The following SGCZ variants were observed in gnomAD, a reference collection of about 807,000 sequenced individuals.
The protein encoded by SGCZ is zeta-sarcoglycan.
Under a neutral mutation model 41.3 loss-of-function variants are expected in SGCZ, and 40 were observed. The observed-to-expected ratio is 0.97, with a 90% CI of 0.75 to 1.26. The LOEUF (loss-of-function observed/expected upper bound fraction) is 1.26, where lower values mean the gene tolerates loss of function less well. Ranked by LOEUF, SGCZ falls within the 50% of genes most tolerant of loss-of-function variation. SGCZ has a pLI of 0.00. For synonymous variants in SGCZ, 206 were observed against 137.5 expected, an observed-to-expected ratio of 1.50 and a Z score of -3.49; for missense variants, 552 against 369.8, an observed-to-expected ratio of 1.49 and a Z score of -4.04.
At position 15,061,138 on chromosome 8, in the gene SGCZ, C is replaced by A. The variant is rs370004652; in HGVS notation, c.39+176447G>T. ...CCAGCTACTATAATCTGAATGTATC[C>A]CCCCAAACTCATGTGTTGAAATTAA... On this transcript the variant is annotated intron_variant, in intron 1 of 7. Coordinates refer to ENST00000382080, the MANE Select transcript of SGCZ (RefSeq NM_139167.4). Among the ~76,000 whole-genome samples, 10 of 143,152 alleles carry A rather than the reference C, an allele frequency of 7.0e-5. No homozygotes were observed. In the South Asian group the frequency reaches 1.7e-3, roughly 25 times the overall value. The allele number at this position is 143,152 out of a possible 152,430, so 93.9% of individuals were successfully genotyped here.
intron 4 of SGCZ, among the ~76,000 whole-genome samples, chr8:14,231,160 AGTGT>A (rs71209027): frequency 1.1e-4 from 12 of 112,086 alleles, no homozygotes; most frequent in South Asian, 7.3e-4. Flanking sequence ...TCTTTGGGCA[AGTGT>A]GTGTGTGTGT....
In SGCZ at chr8:15,159,392, A is replaced by G. The variant is rs1182145618; in HGVS notation, c.39+78193T>C. Among the ~76,000 whole-genome samples, 6 of 152,194 alleles carry G rather than the reference A, an allele frequency of 3.9e-5. No homozygotes were observed. The East Asian group carries it at 9.7e-4, about 25-fold the overall frequency. On this transcript the variant is annotated intron_variant, in intron 1 of 7. Coordinates refer to ENST00000382080, the MANE Select transcript of SGCZ (RefSeq NM_139167.4). ...TCCAGAAAATTAATTGAACCCAAAG[A>G]GTGGGTCATGGGAACTCTGACTTGA...
chr8:14,400,819 G>T (rs1324472386), intron 2 of SGCZ, among the ~76,000 whole-genome samples: 2 of 152,060 alleles, frequency 1.3e-5, no homozygotes, highest in Non-Finnish European at 2.9e-5. Flanking sequence ...TGAATCCATA[G>T]AGTACTCAAC....
At chr8:15,204,120 T>G (rs981117878) in intron 1 of SGCZ, among the ~76,000 whole-genome samples, 7 of 152,174 alleles carry the variant, frequency 4.6e-5, no homozygotes, top group Non-Finnish European at 8.8e-5. Context: ...GCACTTCTGT[T>G]ACACATCTTA....
intron 3 of SGCZ, among the ~76,000 whole-genome samples, chr8:14,265,385 T>C (rs1304697134): frequency 2.0e-5 from 3 of 152,196 alleles, no homozygotes; most frequent in Admixed American, 2.0e-4. Flanking sequence ...TTACAAAATA[T>C]AGAAATTCTT....
intron 1 of SGCZ, among the ~76,000 whole-genome samples, chr8:14,981,438 C>T (rs897737279): frequency 1.1e-4 from 17 of 152,268 alleles, no homozygotes; most frequent in East Asian, 9.7e-4. Flanking sequence ...CCTACTGAAA[C>T]GAACTGAGTT....
Position 14,590,262 on chromosome 8 carries a change from G to A in SGCZ, c.40-35336C>T, listed in dbSNP as rs546837390. 1.5e-3 allele frequency among the ~76,000 whole-genome samples: 226 copies of A among 152,108 alleles called. 1 individual carries two copies. The highest frequency in any genetic ancestry group is 2.8e-3 in the Non-Finnish European group (188 of 67,922). ...AAAAAAGCAAAAATAATATGGTGTGGTAAGTCATAAATTCCTTAGCACATA... is the reference window on the plus strand; with the variant it reads ...AAAAAAGCAAAAATAATATGGTGTGATAAGTCATAAATTCCTTAGCACATA... On this transcript the variant is annotated intron_variant, in intron 1 of 7. Transcript: ENST00000382080.
intron 2 of SGCZ, among the ~76,000 whole-genome samples, chr8:14,512,015 T>A (rs544042900): frequency 2.0e-5 from 3 of 152,184 alleles, no homozygotes; most frequent in Non-Finnish European, 4.4e-5. Flanking sequence ...GTTTTAAACA[T>A]AGGGCAACAT....
At chr8:14,982,011 G>T (rs965825679) in intron 1 of SGCZ, among the ~76,000 whole-genome samples, 2 of 151,862 alleles carry the variant, frequency 1.3e-5, no homozygotes, top group Non-Finnish European at 2.9e-5. Context: ...TTAGCCAGGC[G>T]TGGTGGCTCA....
intron 2 of SGCZ, among the ~76,000 whole-genome samples, chr8:14,452,556 T>G (rs1800626091): frequency 6.6e-6 from 1 of 152,168 alleles, no homozygotes; most frequent in Non-Finnish European, 1.5e-5. Context: ...CATATACTTT[T>G]TAAGTAGTTT....
chr8:14,601,958 A>G (rs34372842), intron 1 of SGCZ, among the ~76,000 whole-genome samples: 30,188 of 151,890 alleles, frequency 0.2, 3,815 homozygotes, highest in Non-Finnish European at 0.29. Context: ...GTCTCTACTG[A>G]AAACACAAAA....
intron 2 of SGCZ, among the ~76,000 whole-genome samples, chr8:14,540,219 AATT>A (rs1803418486): frequency 1.8e-5 from 1 of 55,370 alleles, no homozygotes; most frequent in African/African-American, 9.3e-5. Flanking sequence ...TTCTCTGCTT[AATT>A]TTTTTTTTTT....
At chr8:14,219,538 G>A (rs1806117362) in intron 4 of SGCZ, among the ~76,000 whole-genome samples, 1 of 152,164 alleles carries the variant, frequency 6.6e-6, no homozygotes, top group Non-Finnish European at 1.5e-5. Flanking sequence ...CACAAGGTCA[G>A]GAGTTCGAGA....
chr8:15,193,420 C>T (rs1800605930), intron 1 of SGCZ, among the ~76,000 whole-genome samples: 1 of 151,958 alleles, frequency 6.6e-6, no homozygotes, highest in South Asian at 2.1e-4. Flanking sequence ...TGAGTATTTT[C>T]TATGTGTTAA....
At chr8:14,849,282 TAA>T (rs1321361668) in intron 1 of SGCZ, among the ~76,000 whole-genome samples, 1 of 152,070 alleles carries the variant, frequency 6.6e-6, no homozygotes, top group Admixed American at 6.5e-5. Flanking sequence ...TTTAAAAACT[TAA>T]AGACTGTATA....
At chr8:14,411,915 G>C (rs1241152541) in intron 2 of SGCZ, among the ~76,000 whole-genome samples, 1 of 152,100 alleles carries the variant, frequency 6.6e-6, no homozygotes, top group Non-Finnish European at 1.5e-5. Context: ...CATGACCTCT[G>C]AAGAAATGCT....
intron 1 of SGCZ, among the ~76,000 whole-genome samples, chr8:15,106,554 C>G (rs1038746252): frequency 6.6e-6 from 1 of 151,218 alleles, no homozygotes; most frequent in African/African-American, 2.4e-5. Flanking sequence ...ACTTTACATC[C>G]TTTTATTACA....
At chr8:15,167,151 C>CCA (rs1412033066) in intron 1 of SGCZ, among the ~76,000 whole-genome samples, 2 of 152,130 alleles carry the variant, frequency 1.3e-5, no homozygotes, top group African/African-American at 4.8e-5. Context: ...AATTTGGAAA[C>CCA]TATCTGTGAG....
intron 1 of SGCZ, among the ~76,000 whole-genome samples, chr8:14,752,174 T>C (rs915146765): frequency 1.3e-5 from 2 of 150,594 alleles, no homozygotes. Flanking sequence ...CTCTGGACTT[T>C]ACATTTCCTT....
Sources: gnomAD v4.1 joint callset for allele counts (sites outside exome capture counted in the v4.1 genomes callset) on GRCh38, gnomAD v4.1.1 for gene constraint, MANE v1.5 for transcripts, NCBI Gene and HGNC (gene_info 2026-07-23, HGNC 2026-07-21) for gene names.